PATJ: variants seen among roughly 807,000 people sequenced by gnomAD.
PATJ encodes the protein PATJ crumbs cell polarity complex component, also known as inaD-like protein.
Under a neutral mutation model 224.9 loss-of-function variants are expected in PATJ, and 190 were observed. That is an observed-to-expected ratio of 0.84 (90% confidence interval 0.75 to 0.95). The LOEUF (loss-of-function observed/expected upper bound fraction) is 0.95, where lower values mean the gene tolerates loss of function less well. Ranked by LOEUF, PATJ falls within the 40% of genes least tolerant of loss-of-function variation. The pLI is 0.00. For missense variants in PATJ, 2,121 were observed against 2,270.3 expected, an observed-to-expected ratio of 0.93 and a Z score of 1.34; for synonymous variants, 769 against 820.3, an observed-to-expected ratio of 0.94 and a Z score of 1.07.
At chr1:61,947,894 C>T (rs1012941541) in intron 27 of PATJ, among the ~76,000 whole-genome samples, 1 of 152,106 alleles carries the variant, frequency 6.6e-6, no homozygotes, top group Non-Finnish European at 1.5e-5. Context: ...AGAAGCAGCC[C>T]TCAGAAATAA....
At chr1:61,950,487 TAAAG>T (rs368678247) in intron 27 of PATJ, among the ~76,000 whole-genome samples, 322 of 152,292 alleles carry the variant, frequency 2.1e-3, no homozygotes, top group African/African-American at 7.4e-3. Context: ...AAACTTGTAA[TAAAG>T]ATTTATTGAG....
chr1:62,151,530 G>A (rs532023727), intron 42 of PATJ, among the ~76,000 whole-genome samples: 1 of 152,328 alleles, frequency 6.6e-6, no homozygotes, highest in South Asian at 2.1e-4. Context: ...GGCAGAGCTT[G>A]CAGTGAGCCG....
At chr1:61,934,184 T>C (rs1393781748) in intron 27 of PATJ, among the ~76,000 whole-genome samples, 1 of 152,212 alleles carries the variant, frequency 6.6e-6, no homozygotes, top group African/African-American at 2.4e-5. Flanking sequence ...AGTGGCACGA[T>C]CTCGGCTCAC....
At chr1:62,138,794 C>A (rs1267496308) in intron 41 of PATJ, among the ~76,000 whole-genome samples, 1 of 152,204 alleles carries the variant, frequency 6.6e-6, no homozygotes, top group East Asian at 1.9e-4. Context: ...GAGCTGGCCC[C>A]ACCCAGGTGA....
At chr1:62,027,284 C>T (rs1320121136) in intron 29 of PATJ, among the ~76,000 whole-genome samples, 1 of 152,188 alleles carries the variant, frequency 6.6e-6, no homozygotes, top group East Asian at 1.9e-4. Flanking sequence ...ATTCATGTCA[C>T]AGCATGTGCT....
intron 35 of PATJ, among the ~76,000 whole-genome samples, chr1:62,116,162 G>C (rs1327507610): frequency 1.3e-5 from 2 of 152,164 alleles, no homozygotes; most frequent in African/African-American, 4.8e-5. Flanking sequence ...AGGATGAGAT[G>C]TATAGTTCTC....
At chr1:61,770,497 T>C (rs1646536917) in intron 5 of PATJ, among the ~76,000 whole-genome samples, 1 of 152,208 alleles carries the variant, frequency 6.6e-6, no homozygotes, top group South Asian at 2.1e-4. Context: ...TTATGTGAGA[T>C]AATGCATGTA....
At chr1:61,974,464 AGTGCAAT>A (rs1297340370) in intron 27 of PATJ, among the ~76,000 whole-genome samples, 11 of 123,652 alleles carry the variant, frequency 8.9e-5, no homozygotes, top group Non-Finnish European at 1.4e-4. Context: ...CCAAGGCTAG[AGTGCAAT>A]GGCGCAATCT....
chr1:62,160,806 C>A, intron 43 of PATJ, 102 bp from the exon 44 acceptor site: 1 of 1,227,362 alleles, frequency 8.1e-7, no homozygotes, highest in Non-Finnish European at 1.1e-6. Context: ...TTTAAAGTTA[C>A]TCTTTTAATA....
chr1:62,081,345 C>A (rs1211157584), intron 32 of PATJ, among the ~76,000 whole-genome samples: 1 of 152,134 alleles, frequency 6.6e-6, no homozygotes, highest in Non-Finnish European at 1.5e-5. Flanking sequence ...TACTCATCTA[C>A]TTACCAAGCA....
chr1:62,038,127 A>G (rs1650791646), intron 30 of PATJ, 78 bp downstream of exon 30: 6 of 897,320 alleles, frequency 6.7e-6, no homozygotes, highest in Non-Finnish European at 1.0e-5. Context: ...GACATTTTTG[A>G]TATTCAGTAT....
intron 26 of PATJ, among the ~76,000 whole-genome samples, chr1:61,926,826 A>G (rs1020374234): frequency 1.3e-5 from 2 of 152,230 alleles, no homozygotes; most frequent in African/African-American, 2.4e-5. Context: ...TGGACCACTC[A>G]TTGGCCACTT....
chr1:62,085,455 TAG>T (rs1373814799), intron 33 of PATJ, among the ~76,000 whole-genome samples: 1 of 152,088 alleles, frequency 6.6e-6, no homozygotes, highest in Non-Finnish European at 1.5e-5. Flanking sequence ...CAGCAGCATT[TAG>T]AAGTATTTAA....
intron 17 of PATJ, among the ~76,000 whole-genome samples, chr1:61,834,960 C>T (rs1045554004): frequency 3.3e-5 from 5 of 152,140 alleles, no homozygotes; most frequent in African/African-American, 1.2e-4. Context: ...AACTCCTGAC[C>T]TCAAGTGATC....
At position 62,120,504 on chromosome 1, in the gene PATJ, C is replaced by T. The variant is rs1032656856; in HGVS notation, c.4891-677C>T. The stretch of plus-strand genomic sequence containing the variant: ...TAAGAAAGGCCCTTCACTATGTATA[C>T]AGTTTTTGTTGAACAGCCACTAGCC... On this transcript the variant is annotated intron_variant, in intron 37 of 43. Transcript: ENST00000642238. Among the ~76,000 whole-genome samples the T allele has an allele frequency of 5.1e-4, 77 of 152,126 alleles. 2 individuals carry two copies. The highest frequency in any genetic ancestry group is 5.0e-3 in the Admixed American group (76 of 15,260).
intron 20 of PATJ, among the ~76,000 whole-genome samples, chr1:61,865,974 T>G (rs2148964079): frequency 6.6e-6 from 1 of 152,316 alleles, no homozygotes; most frequent in East Asian, 1.9e-4. Context: ...TATGTGACCC[T>G]GGAGGATTCA....
At chr1:61,954,914 C>T (rs11809259) in intron 27 of PATJ, among the ~76,000 whole-genome samples, 2,830 of 152,030 alleles carry the variant, frequency 0.019, 110 homozygotes, top group African/African-American at 0.065. Flanking sequence ...CCACCACGCC[C>T]GGCTCATTTT....
At chr1:62,083,090 A>G (rs191115662) in intron 32 of PATJ, among the ~76,000 whole-genome samples, 1 of 152,304 alleles carries the variant, frequency 6.6e-6, no homozygotes, top group African/African-American at 2.4e-5. Context: ...GCATCTCTTG[A>G]AACTATTCAA....
At chr1:62,154,420 A>G (rs897783400) in intron 43 of PATJ, among the ~76,000 whole-genome samples, 1 of 151,914 alleles carries the variant, frequency 6.6e-6, no homozygotes, top group African/African-American at 2.4e-5. Context: ...TGTAATCCCA[A>G]CACTTTGGGA....
Sources: gnomAD v4.1 joint callset for allele counts (sites outside exome capture counted in the v4.1 genomes callset) on GRCh38, gnomAD v4.1.1 for gene constraint, MANE v1.5 for transcripts, NCBI Gene and HGNC (gene_info 2026-07-23, HGNC 2026-07-21) for gene names.